SLC33A2: variants seen among roughly 807,000 people sequenced by gnomAD.
SLC33A2 encodes the protein solute carrier family 33 member 2, also known as major facilitator superfamily domain containing 3.
chr8:144,510,594 C>A, the SLC33A2 span: 2 of 1,586,886 alleles, frequency 1.3e-6, no homozygotes, highest in Admixed American at 1.7e-5. Context: ...CACCCCCATC[C>A]CAGGAAACTG....
At chr8:144,509,786 G>T in the SLC33A2 span, 1 of 1,552,610 alleles carries the variant, frequency 6.4e-7, no homozygotes. Context: ...CGCTAGCTGG[G>T]GGCGCGCTGC....
At chr8:144,509,625 C>T in the SLC33A2 span, 1 of 1,564,978 alleles carries the variant, frequency 6.4e-7, no homozygotes. Context: ...GGCCGGGCTG[C>T]CCGCCGCTGT....
chr8:144,509,589 G>A, the SLC33A2 span: 7 of 1,536,002 alleles, frequency 4.6e-6, no homozygotes, highest in African/African-American at 1.4e-5. Flanking sequence ...GCTGCTTGCC[G>A]GGCTGCCCCC....
the SLC33A2 span, chr8:144,510,099 A>T: frequency 1.9e-5 from 28 of 1,455,842 alleles, no homozygotes; most frequent in Admixed American, 2.5e-4. Flanking sequence ...GCAACCCATT[A>T]CAGGGCCACG....
At chr8:144,509,210 C>T in the SLC33A2 span, 1 of 1,013,852 alleles carries the variant, frequency 9.9e-7, no homozygotes, top group Non-Finnish European at 1.4e-6. Context: ...GACGCTGACT[C>T]TGCCCGGTCC....
At chr8:144,511,186 A>C in the SLC33A2 span, 1 of 1,602,228 alleles carries the variant, frequency 6.2e-7, no homozygotes, top group Non-Finnish European at 8.5e-7. Flanking sequence ...GGAGTGGTCA[A>C]TAAAGCCACA....
At chr8:144,510,341 G>T in the SLC33A2 span, 3 of 1,605,954 alleles carry the variant, frequency 1.9e-6, no homozygotes, top group South Asian at 3.3e-5. Flanking sequence ...CCGTGCTCAT[G>T]CCCCCCCCAC....
At chr8:144,510,455 G>T in the SLC33A2 span, 57 of 1,612,914 alleles carry the variant, frequency 3.5e-5, no homozygotes, top group South Asian at 6.0e-4. Flanking sequence ...GGGTGCTGTG[G>T]TCTGCTCCAT....
At chr8:144,509,503 C>T in the SLC33A2 span, 7 of 1,532,032 alleles carry the variant, frequency 4.6e-6, no homozygotes, top group East Asian at 2.5e-5. Context: ...CTGGCTTGGG[C>T]CCCGCTGGTG....
chr8:144,509,659 A>C, the SLC33A2 span: 2 of 1,550,456 alleles, frequency 1.3e-6, no homozygotes, highest in South Asian at 1.2e-5. Flanking sequence ...CTGTTGTTGA[A>C]CCTGGGTGCC....
the SLC33A2 span, chr8:144,511,182 G>C: frequency 1.9e-6 from 3 of 1,604,224 alleles, no homozygotes; most frequent in Non-Finnish European, 2.5e-6. Context: ...GGCTGGAGTG[G>C]TCAATAAAGC....
the SLC33A2 span, chr8:144,509,288 C>G: frequency 2.1e-6 from 3 of 1,421,796 alleles, no homozygotes; most frequent in African/African-American, 4.5e-5. Context: ...TTGCGGGACC[C>G]CACCTGGAAC....
chr8:144,509,456 G>C, the SLC33A2 span: 1 of 1,535,274 alleles, frequency 6.5e-7, no homozygotes, highest in South Asian at 1.2e-5. Flanking sequence ...CGCGCGTGGG[G>C]CTGGCCAAGG....
At chr8:144,510,086 C>A in the SLC33A2 span, 1 of 1,507,628 alleles carries the variant, frequency 6.6e-7, no homozygotes, top group Non-Finnish European at 8.9e-7. Context: ...TCCCCAGGGG[C>A]TTGCAACCCA....
the SLC33A2 span, chr8:144,509,110 C>A: frequency 2.2e-6 from 1 of 460,030 alleles, no homozygotes. Context: ...GTGTCCGGAC[C>A]GCTCGCCCCC....
the SLC33A2 span, chr8:144,509,440 C>T: frequency 1.5e-5 from 23 of 1,533,072 alleles, no homozygotes; most frequent in Non-Finnish European, 1.8e-5. Flanking sequence ...GGCGGCCTCT[C>T]GCTGACGCGC....
the SLC33A2 span, chr8:144,509,898 C>A: frequency 6.4e-7 from 1 of 1,550,544 alleles, no homozygotes; most frequent in Non-Finnish European, 8.7e-7. Context: ...AGCCCTGCGG[C>A]GGCTCCCACA....
chr8:144,510,557 C>T, the SLC33A2 span: 1 of 1,610,444 alleles, frequency 6.2e-7, no homozygotes, highest in Non-Finnish European at 8.5e-7. Flanking sequence ...CTGAGCTGCC[C>T]CCAATCCACT....
At chr8:144,510,717 TGA>T in the SLC33A2 span, 6 of 1,588,332 alleles carry the variant, frequency 3.8e-6, no homozygotes, top group East Asian at 9.0e-5. Flanking sequence ...GGCACAATCT[TGA>T]GAGGTGAGGG....
Sources: gnomAD v4.1 joint callset for allele counts on GRCh38, gnomAD v4.1.1 for gene constraint, MANE v1.5 for transcripts, NCBI Gene and HGNC (gene_info 2026-07-23, HGNC 2026-07-21) for gene names.